The following EBF3 variants were observed in gnomAD, a reference collection of about 807,000 sequenced individuals.
The protein encoded by EBF3 is EBF transcription factor 3.
Under a neutral mutation model 77.1 loss-of-function variants are expected in EBF3, and 18 were observed. The observed-to-expected ratio is 0.23, with a 90% CI of 0.16 to 0.35. The LOEUF is 0.35. EBF3 is among the 10% of genes least tolerant of loss of function. The pLI, the probability that EBF3 is intolerant of heterozygous loss-of-function variation, is 1.00. For synonymous variants in EBF3, 350 were observed against 343.5 expected, an observed-to-expected ratio of 1.02 and a Z score of -0.21; for missense variants, 558 against 860.0, an observed-to-expected ratio of 0.65 and a Z score of 4.39.
intron 6 of EBF3, among the ~76,000 whole-genome samples, chr10:129,917,471 G>A (rs941248535): frequency 6.6e-6 from 1 of 151,778 alleles, no homozygotes; most frequent in Non-Finnish European, 1.5e-5. Context: ...AACCCCACTA[G>A]GAAAATAAAA....
rs117994801 is a variant in EBF3 at position 129,842,972 on chromosome 10, A to G, written c.1194+165T>C. Reference sequence around the variant, plus strand: ...ACACCAACTCATCATTTCTACGTGAACCTAGCGTGAGGGCAAGGATGGGAA... The same window carrying G: ...ACACCAACTCATCATTTCTACGTGAGCCTAGCGTGAGGGCAAGGATGGGAA... On this transcript the variant is annotated intron_variant, in intron 12 of 16. Coordinates refer to ENST00000440978, the MANE Select transcript of EBF3 (RefSeq NM_001375380.1). This position sits in a 1 kb window ranked among gnomAD's most constrained non-coding sequence, Gnocchi z 4.4. Among the ~76,000 whole-genome samples, 688 of 152,076 alleles carry G rather than the reference A, an allele frequency of 4.5e-3. 18 individuals carry two copies. The East Asian group carries it at 0.063, about 14-fold the overall frequency.
intron 6 of EBF3, among the ~76,000 whole-genome samples, chr10:129,918,108 C>T (rs528656815): frequency 1.3e-5 from 2 of 152,184 alleles, no homozygotes; most frequent in Non-Finnish European, 2.9e-5. Context: ...GCCTTCCAGC[C>T]CCTCACTGCA....
At chr10:129,857,513 C>G (rs1851336763) in intron 10 of EBF3, among the ~76,000 whole-genome samples, 1 of 152,222 alleles carries the variant, frequency 6.6e-6, no homozygotes, top group Non-Finnish European at 1.5e-5. Flanking sequence ...CCCCAGGGCG[C>G]CCCTCCTCTC....
intron 6 of EBF3, among the ~76,000 whole-genome samples, chr10:129,883,168 C>A (rs913004074): frequency 1.3e-5 from 2 of 152,162 alleles, no homozygotes; most frequent in African/African-American, 4.8e-5. Context: ...GTTTCTCCAG[C>A]GCTTGAAAAC....
chr10:129,863,851 A>G lies in EBF3; in HGVS notation c.1039+3290T>C, dbSNP rs1034366089. On this transcript the variant is annotated intron_variant, in intron 10 of 16. Coordinates refer to ENST00000440978, the MANE Select transcript of EBF3 (RefSeq NM_001375380.1). This position sits in a 1 kb window ranked among gnomAD's most constrained non-coding sequence, Gnocchi z 4.0. Reference sequence around the variant, plus strand: ...CTGTATCCCTTACATCACCTTTGAAATGGATATTCCTGTTAATGACTGGGG... The same window carrying G: ...CTGTATCCCTTACATCACCTTTGAAGTGGATATTCCTGTTAATGACTGGGG... Among the ~76,000 whole-genome samples, 1 of 152,114 alleles carries G rather than the reference A, an allele frequency of 6.6e-6. No homozygotes were observed. The highest frequency in any genetic ancestry group is 2.4e-5 in the African/African-American group (1 of 41,420).
chr10:129,956,348 G>A (rs932587604), intron 6 of EBF3, among the ~76,000 whole-genome samples: 2 of 152,200 alleles, frequency 1.3e-5, no homozygotes, highest in African/African-American at 2.4e-5. Context: ...ATATGTACAC[G>A]TCTAACATTT....
chr10:129,842,817 G>A lies in EBF3; in HGVS notation c.1194+320C>T, dbSNP rs1266371400. Among the ~76,000 whole-genome samples the A allele has an allele frequency of 6.7e-6, 1 of 150,252 alleles. No individual in the cohort carries two copies. The highest frequency in any genetic ancestry group is 1.5e-5 in the Non-Finnish European group (1 of 67,808). On this transcript the variant is annotated intron_variant, in intron 12 of 16. Transcript: ENST00000440978. The surrounding 1 kb of genome is among the most constrained non-coding windows in gnomAD (Gnocchi z 4.4). ...TTTGCTGTGTTCTGTCCTGCATGCTGTGGGGCGCCCATCCAGCCCTCCCTG... is the reference window on the plus strand; with the variant it reads ...TTTGCTGTGTTCTGTCCTGCATGCTATGGGGCGCCCATCCAGCCCTCCCTG...
rs1273973783 is a variant in EBF3, at chr10:129,864,269, G to C, written c.1039+2872C>G. 6.6e-6 allele frequency among the ~76,000 whole-genome samples: 1 copy of C among 152,152 alleles called. No individual in the cohort carries two copies. Among genetic ancestry groups the C allele is most frequent in the Non-Finnish European group, 1.5e-5 (1 of 68,020 alleles). On this transcript the variant is annotated intron_variant, in intron 10 of 16. Transcript: ENST00000440978. The surrounding 1 kb of genome is among the most constrained non-coding windows in gnomAD (Gnocchi z 4.4). The stretch of plus-strand genomic sequence containing the variant: ...CCCAGAGCAGCAAAAGCAGGGCCCG[G>C]CCATGCTGGGAATTGGGGGGACGCT...
In EBF3 at chr10:129,835,770, T is replaced by G. The variant is rs979975408; in HGVS notation, c.*2173A>C. 1.3e-5 allele frequency: 2 copies of G among 152,530 alleles called. No homozygotes were observed. Among genetic ancestry groups the G allele is most frequent in the Middle Eastern group, 3.4e-3 (1 of 294 alleles). The allele number at this position is 152,530 out of a possible 1,614,324, so 9.4% of individuals were successfully genotyped here. A position where few individuals can be genotyped will look rare whatever the true frequency, so the allele number is the denominator to read the frequency against. ...GGTATTTTAAAGTCCCTCCTTTTTG[T>G]TTTAAATTCGATTTCTGCTGCAGTT... is the stretch of plus-strand genomic sequence containing the variant. On this transcript the variant is annotated 3_prime_UTR_variant, in exon 17 of 17. Coordinates refer to ENST00000440978, the MANE Select transcript of EBF3 (RefSeq NM_001375380.1).
At chr10:129,949,347 AG>A (rs2134556880) in intron 6 of EBF3, among the ~76,000 whole-genome samples, 1 of 152,298 alleles carries the variant, frequency 6.6e-6, no homozygotes, top group East Asian at 1.9e-4. Context: ...AAGAAAACTT[AG>A]GGGGCACTCA....
rs910551692 is a variant in EBF3 at position 129,867,349 on chromosome 10, A to C, written c.913-82T>G. The C allele has an allele frequency of 2.2e-5, 34 of 1,575,546 alleles. No homozygotes were observed. In the African/African-American group the frequency reaches 4.4e-4, roughly 20 times the overall value. ...ACTTGCCAGTTGGATATAATTACCA[A>C]AATGAGCACAAATTGGACCATCGTC... On this transcript the variant is annotated intron_variant, in intron 9 of 16. Coordinates refer to ENST00000440978, the MANE Select transcript of EBF3 (RefSeq NM_001375380.1).
chr10:129,918,173 G>T (rs1416541564), intron 6 of EBF3, among the ~76,000 whole-genome samples: 1 of 152,228 alleles, frequency 6.6e-6, no homozygotes, highest in Non-Finnish European at 1.5e-5. Flanking sequence ...TCCTGAGGCC[G>T]AGGGCTCCCA....
At chr10:129,838,571 G>A (rs1849773969) in intron 16 of EBF3, among the ~76,000 whole-genome samples, 2 of 152,198 alleles carry the variant, frequency 1.3e-5, no homozygotes, top group Admixed American at 6.5e-5. Context: ...GGAGAGACGT[G>A]AGTCATGGCA....
chr10:129,875,187 CTTTTTTTTTTTTTTTT>C (rs1193539598), intron 7 of EBF3, among the ~76,000 whole-genome samples: 1 of 92,932 alleles, frequency 1.1e-5, no homozygotes, highest in Non-Finnish European at 2.2e-5. Context: ...ATGGCTTCTT[CTTTTTTTTTTTTTTTT>C]TTTTTTTTTT....
chr10:129,900,694 G>A (rs888348825), intron 6 of EBF3, among the ~76,000 whole-genome samples: 4 of 152,274 alleles, frequency 2.6e-5, no homozygotes, highest in African/African-American at 9.6e-5. Flanking sequence ...TGATGGTGCT[G>A]TAGCCAGGCT....
chr10:129,923,846 G>A (rs7095306), intron 6 of EBF3, among the ~76,000 whole-genome samples: 25,685 of 152,134 alleles, frequency 0.17, 3,420 homozygotes, highest in African/African-American at 0.37. Context: ...TCAACCAAGT[G>A]AAATGGCAAG....
chr10:129,949,390 C>A (rs1470289397), intron 6 of EBF3, among the ~76,000 whole-genome samples: 11 of 152,226 alleles, frequency 7.2e-5, no homozygotes, highest in Non-Finnish European at 1.6e-4. Flanking sequence ...CAGTGAGCAG[C>A]ATCCCAGGCT....
rs369814535 is a variant in EBF3 at position 129,873,604 on chromosome 10, G to C, written c.637-8C>G. 1.7e-5 allele frequency: 26 copies of C among 1,518,272 alleles called. No individual in the cohort carries two copies. The African/African-American group carries it at 3.4e-4, about 20-fold the overall frequency. 94.1% of individuals were successfully genotyped at this position (1,518,272 alleles called of 1,614,324 possible). On this transcript the variant is annotated splice_region_variant and splice_polypyrimidine_tract_variant and intron_variant, in intron 7 of 16. Transcript: ENST00000440978. ...TGTTGTCGATACAACAACCTGCAAA[G>C]ATGAAGTGGATTTGAAAATGGAATT...
chr10:129,954,270 T>TAAC lies in EBF3; in HGVS notation c.554+2987_554+2988insGTT, dbSNP rs1273680636. Among the ~76,000 whole-genome samples, 908 of 152,288 alleles carry TAAC rather than the reference T, an allele frequency of 6.0e-3. 12 individuals carry two copies. Among genetic ancestry groups the TAAC allele is most frequent in the African/African-American group, 0.021 (864 of 41,554 alleles). On this transcript the variant is annotated intron_variant, in intron 6 of 16. Transcript: ENST00000440978. ...TTGCTCCGTAAGTTGTTATATTATT[T>TAAC]TAAATATACTGCATATAGTTATAAC...
Sources: allele counts gnomAD v4.1 joint callset (sites outside exome capture counted in the v4.1 genomes callset), GRCh38; gene constraint gnomAD v4.1.1; non-coding constraint Gnocchi (gnomAD v3.1); transcripts MANE v1.5; gene names NCBI Gene and HGNC (gene_info 2026-07-23, HGNC 2026-07-21).